GALNT14: variants seen among roughly 807,000 people sequenced by gnomAD.
The protein encoded by GALNT14 is polypeptide N-acetylgalactosaminyltransferase 14.
A neutral mutation model predicts 77.5 loss-of-function variants in GALNT14; 60 were observed. The ratio of observed to expected loss-of-function variants is 0.77; its 90% CI spans 0.63 to 0.96. The LOEUF (loss-of-function observed/expected upper bound fraction) is 0.96, where lower values mean the gene tolerates loss of function less well. GALNT14 is among the 40% of genes least tolerant of loss of function. The probability of loss-of-function intolerance (pLI) is 0.00; values close to 1 mark genes in which losing one functional copy is unlikely to be tolerated. For synonymous variants in GALNT14, 280 were observed against 281.7 expected (o/e 0.99, Z 0.06); for missense variants, 710 against 731.0 (o/e 0.97, Z 0.33).
At chr2:30,979,041 C>T (rs894253293) in intron 2 of GALNT14, among the ~76,000 whole-genome samples, 2 of 152,324 alleles carry the variant, frequency 1.3e-5, no homozygotes, top group African/African-American at 2.4e-5. Flanking sequence ...ACAGCACAGT[C>T]GGCACAGGCC....
Position 31,057,586 on chromosome 2 carries a change from C to A in GALNT14, c.130-64579G>T, listed in dbSNP as rs1052067580. Among the ~76,000 whole-genome samples the A allele has an allele frequency of 2.0e-5, 3 of 151,786 alleles. No individual in the cohort carries two copies. In the South Asian group the frequency reaches 6.2e-4, roughly 32 times the overall value. On this transcript the variant is annotated intron_variant, in intron 1 of 14. Transcript: ENST00000349752. ...CCCTTCTCACAGTCACCCGGAGGAA[C>A]AATGATCAGGTGCTTTACTGTTTTT... is the stretch of plus-strand genomic sequence containing the variant.
rs144968969 is a variant in GALNT14, at chr2:31,051,658, C to T, written c.130-58651G>A. ...ATACTGGCTCTGTTTCTTTGAAGAA[C>T]CTTGACTAATACCAGGCAAGCCGAG... On this transcript the variant is annotated intron_variant, in intron 1 of 14. Coordinates refer to ENST00000349752, the MANE Select transcript of GALNT14 (RefSeq NM_024572.4). Among the ~76,000 whole-genome samples, 382 of 152,258 alleles carry T rather than the reference C, an allele frequency of 2.5e-3. 1 individual carries two copies. Among genetic ancestry groups the T allele is most frequent in the African/African-American group, 7.9e-3 (327 of 41,542 alleles).
At chr2:30,895,172 C>T in the GALNT14 span, among the ~76,000 whole-genome samples, 648 of 152,342 alleles carry the variant, frequency 4.3e-3, 9 homozygotes, top group South Asian at 0.032. Context: ...ACCTGGCTGG[C>T]TCTATTCAGG....
intron 1 of GALNT14, among the ~76,000 whole-genome samples, chr2:31,089,065 G>T (rs1338988817): frequency 6.6e-6 from 1 of 152,210 alleles, no homozygotes; most frequent in Non-Finnish European, 1.5e-5. Flanking sequence ...TGGGGAGGAG[G>T]TGTCTTGTTG....
intron 1 of GALNT14, among the ~76,000 whole-genome samples, chr2:31,109,382 A>G (rs1357704525): frequency 1.3e-5 from 2 of 152,220 alleles, no homozygotes; most frequent in African/African-American, 4.8e-5. Context: ...ATTGAGTTGG[A>G]AAATGCCTCA....
At chr2:30,925,178 T>C (rs971694405) in intron 11 of GALNT14, among the ~76,000 whole-genome samples, 1 of 152,192 alleles carries the variant, frequency 6.6e-6, no homozygotes, top group African/African-American at 2.4e-5. Flanking sequence ...GCCTGCTTAT[T>C]CACAATTTCT....
chr2:31,041,213 T>A (rs1673073527), intron 1 of GALNT14, among the ~76,000 whole-genome samples: 1 of 151,992 alleles, frequency 6.6e-6, no homozygotes, highest in Admixed American at 6.6e-5. Flanking sequence ...AGGAGAGGAT[T>A]AAGATAGGAC....
At chr2:30,934,198 C>T (rs1358842870) in intron 9 of GALNT14, among the ~76,000 whole-genome samples, 1 of 152,148 alleles carries the variant, frequency 6.6e-6, no homozygotes, top group Non-Finnish European at 1.5e-5. Context: ...GTGAGCTCAG[C>T]CAACTGCCTG....
the GALNT14 span, among the ~76,000 whole-genome samples, chr2:30,898,354 G>A: frequency 6.6e-6 from 1 of 152,226 alleles, no homozygotes; most frequent in African/African-American, 2.4e-5. Context: ...GACACTCACA[G>A]ACCCTGCCCT....
intron 1 of GALNT14, among the ~76,000 whole-genome samples, chr2:31,098,559 T>C (rs1348556115): frequency 6.6e-6 from 1 of 152,134 alleles, no homozygotes; most frequent in Non-Finnish European, 1.5e-5. Context: ...AGGGAAACCA[T>C]TGTTAGTCTG....
chr2:30,917,810 G>A (rs993073719), intron 13 of GALNT14, among the ~76,000 whole-genome samples: 2 of 152,232 alleles, frequency 1.3e-5, no homozygotes, highest in Middle Eastern at 3.2e-3. Flanking sequence ...TTGGTGAGGT[G>A]AGACCTGAGC....
chr2:30,924,931 A>G (rs187991908), intron 11 of GALNT14, 108 bp from the exon 12 acceptor site: 1 of 779,858 alleles, frequency 1.3e-6, no homozygotes. Flanking sequence ...ACCCATGCCC[A>G]TGCTCTGTGC....
chr2:30,927,308 T>C (rs903633023), intron 11 of GALNT14, among the ~76,000 whole-genome samples: 3 of 152,212 alleles, frequency 2.0e-5, no homozygotes, highest in Admixed American at 2.0e-4. Context: ...GGGAATCTCC[T>C]TGGTAGAACC....
intron 13 of GALNT14, among the ~76,000 whole-genome samples, chr2:30,912,686 G>A (rs1342509514): frequency 6.6e-6 from 1 of 152,226 alleles, no homozygotes; most frequent in East Asian, 1.9e-4. Context: ...AAAACATCTC[G>A]AGGGGGTCTG....
At chr2:30,907,041 C>A (rs1382798582), downstream of GALNT14, among the ~76,000 whole-genome samples, 11 of 152,306 alleles carry the variant, frequency 7.2e-5, no homozygotes, top group East Asian at 1.9e-3. Flanking sequence ...ACCAGAATCT[C>A]TGGGACACAT....
chr2:31,015,560 AAG>A (rs1446074132), intron 1 of GALNT14, among the ~76,000 whole-genome samples: 3 of 152,340 alleles, frequency 2.0e-5, no homozygotes, highest in South Asian at 2.1e-4. Flanking sequence ...AAGGGAAAAA[AAG>A]AGTAATTTTA....
At chr2:31,082,929 A>G (rs1194505688) in intron 1 of GALNT14, among the ~76,000 whole-genome samples, 1 of 152,180 alleles carries the variant, frequency 6.6e-6, no homozygotes, top group Non-Finnish European at 1.5e-5. Flanking sequence ...GAGGCAGAAG[A>G]ATCACTTGAA....
chr2:31,117,372 A>G (rs12998805), intron 1 of GALNT14, among the ~76,000 whole-genome samples: 46,046 of 152,122 alleles, frequency 0.3, 7,904 homozygotes, highest in Admixed American at 0.38. Context: ...GGCTGCATGC[A>G]AAAGAAATGT....
intron 1 of GALNT14, among the ~76,000 whole-genome samples, chr2:31,095,452 T>A (rs559213146): frequency 3.3e-5 from 5 of 152,116 alleles, no homozygotes; most frequent in Admixed American, 6.6e-5. Flanking sequence ...CCAGTCTCCA[T>A]CTCCATTTAA....
Sources: allele counts gnomAD v4.1 joint callset (sites outside exome capture counted in the v4.1 genomes callset), GRCh38; gene constraint gnomAD v4.1.1; transcripts MANE v1.5; gene names NCBI Gene and HGNC (gene_info 2026-07-23, HGNC 2026-07-21).